The following ARHGEF26 variants were observed in gnomAD, a reference collection of about 807,000 sequenced individuals.
ARHGEF26 encodes Rho guanine nucleotide exchange factor (GEF) 26.
A neutral mutation model predicts 89.4 loss-of-function variants in ARHGEF26; 59 were observed. The ratio of observed to expected loss-of-function variants is 0.66; its 90% CI spans 0.54 to 0.82. The LOEUF (loss-of-function observed/expected upper bound fraction) is 0.82. ARHGEF26 is among the 40% of genes least tolerant of loss of function. The pLI is 0.00. For missense variants in ARHGEF26, 1,234 were observed against 1,085.6 expected (o/e 1.14, Z -1.92); for synonymous variants, 500 against 428.4 (o/e 1.17, Z -2.06).
intron 4 of ARHGEF26, among the ~76,000 whole-genome samples, chr3:154,136,265 T>TTAAAATATTTTAAA (rs1479366584): frequency 1.0e-5 from 1 of 97,290 alleles, no homozygotes; most frequent in African/African-American, 6.4e-5. Context: ...TTAATTTTAA[T>TTAAAATATTTTAAA]TAAAGTATTT....
In ARHGEF26 at chr3:154,240,414, T is replaced by TA; in HGVS notation, c.2136dup (p.Leu713IlefsTer6). On this transcript the variant is annotated frameshift_variant, in exon 12 of 15. Transcript: ENST00000465093. LOFTEE classifies it high-confidence loss of function. ...AATGATTATTCCTTAAGAGATCAGCTATTGGTGGAATCTTGTGACAATGAA... is the reference window on the plus strand; with the variant it reads ...AATGATTATTCCTTAAGAGATCAGCTAATTGGTGGAATCTTGTGACAATGAA... 6.2e-7 allele frequency: 1 copy of TA among 1,613,686 alleles called. No individual in the cohort carries two copies. The highest frequency in any genetic ancestry group is 1.1e-5 in the South Asian group (1 of 91,018).
At position 154,127,727 on chromosome 3, in the gene ARHGEF26, T is replaced by C. The variant is rs963371454; in HGVS notation, c.1124-1847T>C. On this transcript the variant is annotated intron_variant, in intron 3 of 14. Coordinates refer to ENST00000465093, the MANE Select transcript of ARHGEF26 (RefSeq NM_015595.4). ...ATCAAGTATCATGAACTGTATATAA[T>C]TGTATGTGCTATACTTTTGTATTTT... Among the ~76,000 whole-genome samples, 8 of 152,212 alleles carry C rather than the reference T, an allele frequency of 5.3e-5. No homozygotes were observed. The East Asian group carries it at 1.2e-3, about 22-fold the overall frequency.
intron 11 of ARHGEF26, among the ~76,000 whole-genome samples, chr3:154,226,689 A>AT (rs1716512594): frequency 6.6e-6 from 1 of 151,276 alleles, no homozygotes; most frequent in South Asian, 2.1e-4. Flanking sequence ...ACACACACAC[A>AT]CACACACCCC....
rs573610175 is a variant in ARHGEF26, at chr3:154,210,538, C to T, written c.1846-7331C>T. Among the ~76,000 whole-genome samples the T allele has an allele frequency of 3.3e-4, 50 of 150,142 alleles. 1 individual carries two copies. In the South Asian group the frequency reaches 7.1e-3, roughly 21 times the overall value. ...CCATGCTGGCCAGGCTGGTCTCAAA[C>T]TCCTGGCCTCAAGTGATCTGCCCAC... On this transcript the variant is annotated intron_variant, in intron 9 of 14. Coordinates refer to ENST00000465093, the MANE Select transcript of ARHGEF26 (RefSeq NM_015595.4).
intron 10 of ARHGEF26, among the ~76,000 whole-genome samples, chr3:154,223,032 A>G (rs1480310903): frequency 6.6e-6 from 1 of 152,246 alleles, no homozygotes; most frequent in Non-Finnish European, 1.5e-5. Flanking sequence ...TCTCCACTAG[A>G]AAACAGCTTT....
rs1236363611 is a variant in ARHGEF26 at position 154,256,887 on chromosome 3, T to TATC, written c.*1415_*1417dup. 1.0e-5 allele frequency: 16 copies of TATC among 1,534,570 alleles called. No individual in the cohort carries two copies. Among genetic ancestry groups the TATC allele is most frequent in the Middle Eastern group, 3.3e-4 (2 of 5,986 alleles). On this transcript the variant is annotated 3_prime_UTR_variant, in exon 15 of 15. Coordinates refer to ENST00000465093, the MANE Select transcript of ARHGEF26 (RefSeq NM_015595.4). The stretch of plus-strand genomic sequence containing the variant: ...CACTAGTGCACAGAGAGAGAAAGGT[T>TATC]ATCTTAATAGTCGGTTTCATGGAGA...
intron 9 of ARHGEF26, among the ~76,000 whole-genome samples, chr3:154,217,242 T>C (rs1455467937): frequency 6.7e-6 from 1 of 150,346 alleles, no homozygotes; most frequent in Non-Finnish European, 1.5e-5. Flanking sequence ...TGGTGTGAGA[T>C]GGTATCTCAT....
At chr3:154,180,563 C>CTT (rs1713114790) in intron 6 of ARHGEF26, among the ~76,000 whole-genome samples, 1 of 5,498 alleles carries the variant, frequency 1.8e-4, no homozygotes, top group Non-Finnish European at 2.9e-4. Context: ...ACACAAAGGA[C>CTT]TTAAAAAGGT....
intron 4 of ARHGEF26, among the ~76,000 whole-genome samples, chr3:154,149,084 G>T (rs1057292559): frequency 1.3e-5 from 2 of 152,120 alleles, no homozygotes; most frequent in African/African-American, 4.8e-5. Flanking sequence ...TGTGCTCTTG[G>T]ATCCTAAGCC....
intron 3 of ARHGEF26, among the ~76,000 whole-genome samples, chr3:154,128,901 C>T (rs1206144026): frequency 1.3e-5 from 2 of 152,176 alleles, no homozygotes; most frequent in South Asian, 2.1e-4. Context: ...TTATCAGCAT[C>T]AAAATACTAT....
intron 4 of ARHGEF26, 25 bp from the exon 5 acceptor site, chr3:154,149,364 A>G: frequency 6.3e-7 from 1 of 1,585,578 alleles, no homozygotes; most frequent in Non-Finnish European, 8.6e-7. Flanking sequence ...TAAATGAGTC[A>G]ACTCTACTTT....
chr3:154,184,792 T>C (rs1199482226), intron 6 of ARHGEF26, among the ~76,000 whole-genome samples: 2 of 152,232 alleles, frequency 1.3e-5, no homozygotes, highest in African/African-American at 4.8e-5. Context: ...AGTGATTTAT[T>C]GGCTTCCACA....
At chr3:154,162,051 C>G (rs1419807776) in intron 6 of ARHGEF26, among the ~76,000 whole-genome samples, 1 of 152,132 alleles carries the variant, frequency 6.6e-6, no homozygotes, top group Non-Finnish European at 1.5e-5. Context: ...TAAAGTGTTA[C>G]CTACTTAGTC....
At chr3:154,216,470 C>T (rs1216167666) in intron 9 of ARHGEF26, among the ~76,000 whole-genome samples, 2 of 141,824 alleles carry the variant, frequency 1.4e-5, no homozygotes, top group African/African-American at 5.3e-5. Context: ...CTTCCCTCTT[C>T]AGCACTTGTT....
At chr3:154,247,633 G>A (rs1717882231) in intron 12 of ARHGEF26, among the ~76,000 whole-genome samples, 1 of 151,974 alleles carries the variant, frequency 6.6e-6, no homozygotes, top group South Asian at 2.1e-4. Flanking sequence ...CTCTATCTGA[G>A]ACAAGGTAGA....
At chr3:154,239,299 AGTGTGTGT>A (rs142191516) in intron 11 of ARHGEF26, among the ~76,000 whole-genome samples, 3,840 of 63,200 alleles carry the variant, frequency 0.061, 74 homozygotes, top group African/African-American at 0.082. Context: ...AGAGAGAGAG[AGTGTGTGT>A]GTGTGTGTGT....
chr3:154,209,231 A>C (rs1037329608), intron 9 of ARHGEF26, among the ~76,000 whole-genome samples: 9 of 152,122 alleles, frequency 5.9e-5, no homozygotes, highest in Non-Finnish European at 1.2e-4. Flanking sequence ...CTGAAAAGTC[A>C]CATATGTGTG....
intron 9 of ARHGEF26, among the ~76,000 whole-genome samples, chr3:154,211,865 A>ATGTG (rs1176488068): frequency 2.8e-4 from 16 of 57,416 alleles, no homozygotes; most frequent in African/African-American, 3.5e-4. Flanking sequence ...GTGTATATAT[A>ATGTG]TATGTGTGTG....
intron 6 of ARHGEF26, among the ~76,000 whole-genome samples, chr3:154,187,361 C>A (rs555474205): frequency 6.0e-5 from 9 of 149,476 alleles, no homozygotes; most frequent in African/African-American, 2.2e-4. Context: ...TGAAGCCAAA[C>A]ACTTGAAGCA....
Sources: allele counts gnomAD v4.1 joint callset (sites outside exome capture counted in the v4.1 genomes callset), GRCh38; gene constraint gnomAD v4.1.1; transcripts MANE v1.5; gene names NCBI Gene and HGNC (gene_info 2026-07-23, HGNC 2026-07-21).